KIAA1671: variants seen among roughly 807,000 people sequenced by gnomAD.
The protein encoded by KIAA1671 is KIAA1671.
In KIAA1671, 52 loss-of-function variants were observed where a neutral mutation model predicts 131.2. The ratio of observed to expected loss-of-function variants is 0.40; its 90% CI spans 0.32 to 0.50. The LOEUF (loss-of-function observed/expected upper bound fraction) is 0.50. Among genes scored for constraint, KIAA1671 ranks in the 20% least tolerant of loss-of-function variants. The pLI, the probability that KIAA1671 is intolerant of heterozygous loss-of-function variation, is 0.73. For missense variants in KIAA1671, 2,360 were observed against 2,364.2 expected (o/e 1.00, Z 0.04); for synonymous variants, 1,003 against 961.6 (o/e 1.04, Z -0.80).
intron 6 of KIAA1671, among the ~76,000 whole-genome samples, chr22:25,154,216 A>G (rs1933147072): frequency 6.6e-6 from 1 of 152,120 alleles, no homozygotes; most frequent in African/African-American, 2.4e-5. Context: ...GGTTCTCCAC[A>G]TGCACCAGCT....
At chr22:25,015,036 CATAG>C (rs1419564632) in intron 1 of KIAA1671, 1 of 152,018 alleles carries the variant, frequency 6.6e-6, no homozygotes, top group Non-Finnish European at 1.5e-5. Flanking sequence ...TGAAGGAAGC[CATAG>C]ATAGTCTGGG....
At chr22:24,985,992 T>C (rs952882056) in intron 1 of KIAA1671, among the ~76,000 whole-genome samples, 1 of 152,120 alleles carries the variant, frequency 6.6e-6, no homozygotes, top group African/African-American at 2.4e-5. Context: ...TGTGTGCGTG[T>C]GTGTGTTATG....
intron 1 of KIAA1671, among the ~76,000 whole-genome samples, chr22:24,996,362 C>T (rs1305299510): frequency 6.6e-6 from 1 of 152,110 alleles, no homozygotes; most frequent in Non-Finnish European, 1.5e-5. Context: ...CACATGTGCA[C>T]TCACACGAGC....
intron 7 of KIAA1671, among the ~76,000 whole-genome samples, chr22:25,173,380 C>T (rs1238563263): frequency 1.3e-5 from 2 of 152,182 alleles, no homozygotes; most frequent in Non-Finnish European, 2.9e-5. Context: ...TTTTTTAGCA[C>T]AATGCTTGGC....
intron 6 of KIAA1671, among the ~76,000 whole-genome samples, chr22:25,093,737 A>T (rs6004435): frequency 0.33 from 9,638 of 28,876 alleles, 1,358 homozygotes; most frequent in African/African-American, 0.52. Context: ...ACACACACAC[A>T]CTCTCTCTCT....
intron 4 of KIAA1671, among the ~76,000 whole-genome samples, chr22:25,037,263 C>T (rs1926656521): frequency 6.6e-6 from 1 of 152,096 alleles, no homozygotes; most frequent in South Asian, 2.1e-4. Context: ...GCGGAGGTTG[C>T]AGTGAGCCGA....
intron 6 of KIAA1671, among the ~76,000 whole-genome samples, chr22:25,120,425 C>G (rs1339840280): frequency 2.0e-5 from 3 of 152,170 alleles, no homozygotes; most frequent in Non-Finnish European, 4.4e-5. Context: ...AACAATGGTT[C>G]CTTTATAGAT....
At chr22:25,029,764 T>C (rs1926176264) in intron 3 of KIAA1671, among the ~76,000 whole-genome samples, 1 of 152,180 alleles carries the variant, frequency 6.6e-6, no homozygotes, top group Non-Finnish European at 1.5e-5. Context: ...GAGCCCAATT[T>C]TCATGGCTTT....
intron 6 of KIAA1671, among the ~76,000 whole-genome samples, chr22:25,149,140 G>A (rs942330507): frequency 6.6e-6 from 1 of 152,168 alleles, no homozygotes; most frequent in Non-Finnish European, 1.5e-5. Context: ...TAGATCATGA[G>A]CTCATCCAGT....
At chr22:25,115,923 C>A (rs1229128160) in intron 6 of KIAA1671, among the ~76,000 whole-genome samples, 1 of 152,002 alleles carries the variant, frequency 6.6e-6, no homozygotes, top group African/African-American at 2.4e-5. Flanking sequence ...ATTACAGGTG[C>A]CCTCCACAAC....
At chr22:24,959,014 A>AAAAG (rs1199853780) in intron 1 of KIAA1671, among the ~76,000 whole-genome samples, 4 of 151,226 alleles carry the variant, frequency 2.6e-5, no homozygotes, top group African/African-American at 9.7e-5. Context: ...GAAAAGAAAA[A>AAAAG]AAATTAGCCT....
At chr22:24,990,315 T>A (rs1412858227) in intron 1 of KIAA1671, among the ~76,000 whole-genome samples, 1 of 152,168 alleles carries the variant, frequency 6.6e-6, no homozygotes, top group East Asian at 1.9e-4. Flanking sequence ...GGTCTCGAAC[T>A]CATGACCTCA....
At chr22:25,059,804 T>G (rs1317893517) in intron 6 of KIAA1671, 2 of 152,174 alleles carry the variant, frequency 1.3e-5, no homozygotes, top group African/African-American at 4.8e-5. Flanking sequence ...AGGGGACCCC[T>G]GCACTCTCAG....
chr22:25,070,544 T>C (rs1928768846), intron 6 of KIAA1671: 2 of 402,136 alleles, frequency 5.0e-6, no homozygotes, highest in Non-Finnish European at 8.9e-6. Flanking sequence ...TAAGAAATGG[T>C]GGAGGTTACA....
intron 6 of KIAA1671, among the ~76,000 whole-genome samples, chr22:25,147,155 C>CTATTTTATTT (rs10526199): frequency 0.027 from 3,691 of 139,014 alleles, 92 homozygotes; most frequent in Non-Finnish European, 0.037. Flanking sequence ...TTATTTTTTA[C>CTATTTTATTT]TATTTTATTT....
At chr22:24,970,382 G>A (rs1245758820) in intron 1 of KIAA1671, among the ~76,000 whole-genome samples, 1 of 152,218 alleles carries the variant, frequency 6.6e-6, no homozygotes, top group African/African-American at 2.4e-5. Flanking sequence ...ATGGAGCCTG[G>A]TTTTCAGAGG....
intron 6 of KIAA1671, among the ~76,000 whole-genome samples, chr22:25,114,954 C>T (rs1023643841): frequency 9.9e-5 from 15 of 152,160 alleles, no homozygotes; most frequent in African/African-American, 3.6e-4. Flanking sequence ...TGGTTCCTGC[C>T]TCCGGCTTGT....
At chr22:25,068,194 A>ATCCGACTGTGCCGTCAGGGAGCAGGGCCG (rs1568938251) in intron 6 of KIAA1671, among the ~76,000 whole-genome samples, 1 of 150,528 alleles carries the variant, frequency 6.6e-6, no homozygotes, top group Admixed American at 6.7e-5. Flanking sequence ...GAGCAGGGCC[A>ATCCGACTGTGCCGTCAGGGAGCAGGGCCG]GCCTTCCGAC....
chr22:25,076,697 C>T (rs766162679), intron 6 of KIAA1671, among the ~76,000 whole-genome samples: 1 of 152,170 alleles, frequency 6.6e-6, no homozygotes, highest in African/African-American at 2.4e-5. Flanking sequence ...TGTGGCCTTG[C>T]TAGGGGCATC....
Sources: allele counts gnomAD v4.1 joint callset (sites outside exome capture counted in the v4.1 genomes callset), GRCh38; gene constraint gnomAD v4.1.1; transcripts MANE v1.5; gene names NCBI Gene and HGNC (gene_info 2026-07-23, HGNC 2026-07-21).